EP300: variants seen among roughly 807,000 people sequenced by gnomAD.
EP300 encodes histone acetyltransferase p300.
In EP300, 31 loss-of-function variants were observed where a neutral mutation model predicts 264.0. The observed-to-expected ratio is 0.12, with a 90% CI of 0.09 to 0.16. EP300 has a LOEUF of 0.16. EP300 is among the 10% of genes least tolerant of loss of function. The probability of loss-of-function intolerance (pLI) is 1.00; values close to 1 mark genes in which losing one functional copy is unlikely to be tolerated. For synonymous variants in EP300, 1,340 were observed against 1,045.4 expected (o/e 1.28, Z -5.44); for missense variants, 2,766 against 3,052.9 (o/e 0.91, Z 2.21).
At chr22:41,160,601 G>C in intron 19 of EP300, 41 bp from the exon 20 acceptor site, 1 of 1,601,622 alleles carries the variant, frequency 6.2e-7, no homozygotes, top group Non-Finnish European at 8.6e-7. Flanking sequence ...TGTGTTGTGT[G>C]AACGGAACAG....
intron 2 of EP300, among the ~76,000 whole-genome samples, chr22:41,123,360 T>G (rs952638842): frequency 1.3e-5 from 2 of 152,164 alleles, no homozygotes; most frequent in African/African-American, 4.8e-5. Flanking sequence ...AGGAAATATA[T>G]AAGATACCAT....
chr22:41,106,794 G>T (rs1331004888), intron 1 of EP300, among the ~76,000 whole-genome samples: 1 of 151,962 alleles, frequency 6.6e-6, no homozygotes, highest in East Asian at 1.9e-4. Flanking sequence ...GCAGGGTCTT[G>T]CTATGTTGCT....
intron 19 of EP300, chr22:41,159,209 G>A (rs1028077669): frequency 6.6e-6 from 1 of 152,236 alleles, no homozygotes; most frequent in Non-Finnish European, 1.5e-5. Context: ...GTTTATTTGG[G>A]GCTCTGATAC....
chr22:41,092,618 G>C lies in EP300; in HGVS notation c.-387G>C, dbSNP rs1184135206. On this transcript the variant is annotated 5_prime_UTR_variant, in exon 1 of 31. Transcript: ENST00000263253. ...AGAAGGAGGAGGACAGCGCCGAGGA[G>C]GAAGAGGTTGATGGCGGCGGCGGAG... 1.6e-6 allele frequency: 1 copy of C among 634,120 alleles called. No homozygotes were observed. The highest frequency in any genetic ancestry group is 2.9e-6 in the Non-Finnish European group (1 of 349,912). 39.3% of individuals were successfully genotyped at this position (634,120 alleles called of 1,614,324 possible).
intron 1 of EP300, among the ~76,000 whole-genome samples, chr22:41,105,440 C>G (rs1443946806): frequency 6.6e-6 from 1 of 151,656 alleles, no homozygotes; most frequent in Non-Finnish European, 1.5e-5. Context: ...ACTCTGTCAT[C>G]CAGGCTGGAG....
chr22:41,136,530 G>T (rs13053662), intron 7 of EP300, among the ~76,000 whole-genome samples: 1 of 150,996 alleles, frequency 6.6e-6, no homozygotes, highest in Admixed American at 6.6e-5. Flanking sequence ...GCATGGTGGC[G>T]TGCACCTGTA....
chr22:41,177,021 T>C lies in EP300; in HGVS notation c.5310T>C (p.Gly1770=). Residue 1770 remains glycine, a synonymous_variant, in exon 31 of 31, where the codon GGT becomes GGC. Transcript: ENST00000263253. ...AGCGGGTTGTGCAGCATACCAAGGG[T>C]TGCAAACGGAAAACCAATGGCGGGT... ...KMKRVVQHTK[G]CKRKTNGGCP... The C allele has an allele frequency of 6.2e-7, 1 of 1,613,980 alleles. No homozygotes were observed.
At chr22:41,145,470 A>G (rs1442719154) in intron 10 of EP300, among the ~76,000 whole-genome samples, 3 of 152,180 alleles carry the variant, frequency 2.0e-5, no homozygotes, top group Non-Finnish European at 4.4e-5. Flanking sequence ...ACAGCCCTTG[A>G]TGGAGGGTAT....
intron 22 of EP300, among the ~76,000 whole-genome samples, chr22:41,165,829 G>A (rs980327862): frequency 2.6e-5 from 4 of 152,164 alleles, no homozygotes; most frequent in Non-Finnish European, 4.4e-5. Context: ...GAGTGCAATG[G>A]TGTGATCTCA....
chr22:41,123,762 T>A (rs1165035282), intron 2 of EP300, among the ~76,000 whole-genome samples: 1 of 139,910 alleles, frequency 7.1e-6, no homozygotes, highest in Non-Finnish European at 1.6e-5. Context: ...CAAACTTTGT[T>A]TGGGATATAA....
At chr22:41,157,512 C>A in intron 18 of EP300, 104 bp downstream of exon 18, 1 of 443,700 alleles carries the variant, frequency 2.3e-6, no homozygotes, top group Non-Finnish European at 3.6e-6. Context: ...TTTGACATGG[C>A]TTTTTTTTTT....
chr22:41,156,292 C>T (rs1053380058), intron 17 of EP300, among the ~76,000 whole-genome samples: 23 of 152,278 alleles, frequency 1.5e-4, no homozygotes, highest in African/African-American at 4.6e-4. Context: ...AGATTACAGG[C>T]GTGAGCCACC....
At chr22:41,142,481 AAC>A in intron 10 of EP300, among the ~76,000 whole-genome samples, 2 of 152,316 alleles carry the variant, frequency 1.3e-5, no homozygotes, top group Middle Eastern at 3.4e-3. Context: ...AGTAAGGAAA[AAC>A]ACAGATTTTT....
chr22:41,156,693 C>A (rs140767733), intron 17 of EP300, among the ~76,000 whole-genome samples: 4 of 152,306 alleles, frequency 2.6e-5, no homozygotes, highest in Admixed American at 6.5e-5. Flanking sequence ...CCACTGCACT[C>A]CAGCCTGGGC....
chr22:41,167,612 ATATATATATATATATAT>A (rs1297926457), intron 23 of EP300, among the ~76,000 whole-genome samples: 1 of 49,760 alleles, frequency 2.0e-5, no homozygotes, highest in Non-Finnish European at 5.1e-5. Context: ...ATATATATAT[ATATATATATATATATAT>A]ATATATAATG....
chr22:41,149,660 G>C, intron 13 of EP300, 101 bp from the exon 14 acceptor site: 1 of 1,229,446 alleles, frequency 8.1e-7, no homozygotes, highest in Non-Finnish European at 1.2e-6. Context: ...GCTACTCTTT[G>C]TTTAATCAGT....
intron 9 of EP300, 56 bp from the exon 10 acceptor site, chr22:41,140,992 C>G: frequency 2.0e-6 from 3 of 1,521,836 alleles, no homozygotes; most frequent in Non-Finnish European, 2.7e-6. Context: ...TTTCTGTTAC[C>G]TGGTGGTAGT....
intron 20 of EP300, among the ~76,000 whole-genome samples, chr22:41,162,327 G>A (rs2059112679): frequency 6.6e-6 from 1 of 152,184 alleles, no homozygotes; most frequent in Non-Finnish European, 1.5e-5. Context: ...GTTGGAGAAT[G>A]TGGATCCTAG....
At chr22:41,170,985 A>T (rs1488094384) in intron 27 of EP300, among the ~76,000 whole-genome samples, 1 of 147,960 alleles carries the variant, frequency 6.8e-6, no homozygotes, top group Non-Finnish European at 1.5e-5. Context: ...TTTTAAACAA[A>T]AGTCTTGCTT....
Sources: allele counts gnomAD v4.1 joint callset (sites outside exome capture counted in the v4.1 genomes callset), GRCh38; gene constraint gnomAD v4.1.1; transcripts MANE v1.5; gene names NCBI Gene and HGNC (gene_info 2026-07-23, HGNC 2026-07-21).